SHANK2: variants seen among roughly 807,000 people sequenced by gnomAD.
SHANK2 encodes the protein SH3 and multiple ankyrin repeat domains protein 2.
A neutral mutation model predicts 133.7 loss-of-function variants in SHANK2; 43 were observed. That is an observed-to-expected ratio of 0.32 (90% CI 0.25 to 0.41). SHANK2 has a LOEUF of 0.41. SHANK2 is among the 10% of genes least tolerant of loss of function. The pLI is 1.00. For synonymous variants in SHANK2, 1,017 were observed against 952.8 expected, an observed-to-expected ratio of 1.07 and a Z score of -1.24; for missense variants, 1,994 against 2,235.8, an observed-to-expected ratio of 0.89 and a Z score of 2.18.
intron 17 of SHANK2, among the ~76,000 whole-genome samples, chr11:70,627,197 C>T (rs2060916832): frequency 6.6e-6 from 1 of 152,242 alleles, no homozygotes. Flanking sequence ...TGGGCACACA[C>T]AGGGCTGCAG....
intron 14 of SHANK2, among the ~76,000 whole-genome samples, chr11:70,754,758 G>A (rs1946829727): frequency 6.6e-6 from 1 of 152,164 alleles, no homozygotes; most frequent in African/African-American, 2.4e-5. Flanking sequence ...TCAGTGGCAG[G>A]AGAGGGAGGA....
chr11:70,723,176 T>C (rs1282525097), intron 14 of SHANK2, among the ~76,000 whole-genome samples: 1 of 152,144 alleles, frequency 6.6e-6, no homozygotes, highest in Non-Finnish European at 1.5e-5. Context: ...ATGGGTTGGG[T>C]CTCAGACTTG....
intron 17 of SHANK2, among the ~76,000 whole-genome samples, chr11:70,612,597 C>G (rs782547650): frequency 7.9e-5 from 12 of 152,172 alleles, no homozygotes; most frequent in Non-Finnish European, 1.6e-4. Flanking sequence ...CGAAACTCCA[C>G]GAAGAAAAAT....
intron 21 of SHANK2, chr11:70,496,841 C>T (rs2058978011): frequency 2.5e-6 from 1 of 398,112 alleles, no homozygotes; most frequent in South Asian, 1.9e-5. Context: ...TGGTTTGCCT[C>T]GTCCAGGAGA....
chr11:71,223,308 G>C (rs1315701774), intron 2 of SHANK2, among the ~76,000 whole-genome samples: 1 of 152,216 alleles, frequency 6.6e-6, no homozygotes, highest in Non-Finnish European at 1.5e-5. Flanking sequence ...TGGGGTGGTG[G>C]AAGGTGAAGC....
chr11:71,213,229 C>G (rs1326786473), intron 2 of SHANK2, among the ~76,000 whole-genome samples: 13 of 152,118 alleles, frequency 8.5e-5, no homozygotes, highest in African/African-American at 2.9e-4. Context: ...CACAGGGAGG[C>G]TCTCACAACA....
intron 14 of SHANK2, among the ~76,000 whole-genome samples, chr11:70,763,816 A>G (rs368979396): frequency 6.6e-6 from 1 of 152,126 alleles, no homozygotes; most frequent in Non-Finnish European, 1.5e-5. Flanking sequence ...GCACAGCCCC[A>G]TTGCAGGCTT....
intron 9 of SHANK2, among the ~76,000 whole-genome samples, chr11:71,067,989 CCAT>C (rs1329880737): frequency 6.6e-6 from 1 of 151,522 alleles, no homozygotes; most frequent in Non-Finnish European, 1.5e-5. Flanking sequence ...ATCACCACCA[CCAT>C]CACCATCATC....
chr11:71,088,578 C>A (rs951960095), intron 8 of SHANK2, among the ~76,000 whole-genome samples: 32,837 of 152,076 alleles, frequency 0.22, 3,644 homozygotes, highest in African/African-American at 0.26. Context: ...GGCAGCTGTT[C>A]GGTGGAGACC....
chr11:71,117,134 C>T (rs1398707654), intron 4 of SHANK2, among the ~76,000 whole-genome samples: 63 of 152,194 alleles, frequency 4.1e-4, no homozygotes, highest in African/African-American at 1.4e-3. Flanking sequence ...ATTCTCCTGC[C>T]TCAGCCCCCC....
intron 17 of SHANK2, among the ~76,000 whole-genome samples, chr11:70,532,265 A>T (rs954885732): frequency 2.6e-5 from 4 of 152,188 alleles, no homozygotes; most frequent in Admixed American, 6.5e-5. Context: ...GGGTGTCAGC[A>T]GGCAGGACTG....
intron 2 of SHANK2, among the ~76,000 whole-genome samples, chr11:71,165,590 G>C (rs1431080665): frequency 6.6e-6 from 1 of 152,112 alleles, no homozygotes; most frequent in African/African-American, 2.4e-5. Context: ...GCGAAGCCTG[G>C]TCAAACCCTA....
At chr11:70,863,854 C>T (rs1161708520) in intron 11 of SHANK2, 3 of 457,576 alleles carry the variant, frequency 6.6e-6, no homozygotes, top group Non-Finnish European at 1.3e-5. Context: ...ATGACGACAG[C>T]CACCTGCAAG....
chr11:70,879,599 C>T (rs1408812212), intron 11 of SHANK2, among the ~76,000 whole-genome samples: 1 of 152,206 alleles, frequency 6.6e-6, no homozygotes, highest in Non-Finnish European at 1.5e-5. Context: ...GCTCCAATAC[C>T]CAGGTGCTTT....
At chr11:70,954,848 G>A (rs888080964) in intron 10 of SHANK2, among the ~76,000 whole-genome samples, 1 of 152,226 alleles carries the variant, frequency 6.6e-6, no homozygotes, top group African/African-American at 2.4e-5. Context: ...GAAGAACACG[G>A]GGTCTGGCAT....
chr11:70,858,764 A>G (rs556515630), intron 11 of SHANK2, among the ~76,000 whole-genome samples: 18 of 152,094 alleles, frequency 1.2e-4, no homozygotes, highest in Non-Finnish European at 2.1e-4. Flanking sequence ...TAACTTTACT[A>G]CCTCTTCTCC....
intron 15 of SHANK2, among the ~76,000 whole-genome samples, chr11:70,663,366 A>G (rs1475436686): frequency 6.6e-6 from 1 of 152,108 alleles, no homozygotes; most frequent in Non-Finnish European, 1.5e-5. Flanking sequence ...AACGTGGATG[A>G]CAGGGCTCAG....
intron 25 of SHANK2, among the ~76,000 whole-genome samples, chr11:70,482,522 G>A (rs989743088): frequency 1.1e-4 from 16 of 152,200 alleles, no homozygotes; most frequent in Admixed American, 2.6e-4. Flanking sequence ...GTCTAGTTCC[G>A]CGTCTTCCTG....
chr11:70,569,312 G>C lies in SHANK2; in HGVS notation c.2062-66381C>G, dbSNP rs149802833. Among the ~76,000 whole-genome samples the C allele has an allele frequency of 3.0e-3, 460 of 152,334 alleles. 4 individuals carry two copies. Among genetic ancestry groups the C allele is most frequent in the African/African-American group, 0.011 (437 of 41,572 alleles). ...GTCCTGGGGGGTCAGGCTCGGGAGC[G>C]TCTGGGGTGATCCTGCTCATGCGCC... On this transcript the variant is annotated intron_variant, in intron 17 of 25. Transcript: ENST00000601538. This position sits in a 1 kb window ranked among gnomAD's most constrained non-coding sequence, Gnocchi z 5.1.
Sources: gnomAD v4.1 joint callset for allele counts (sites outside exome capture counted in the v4.1 genomes callset) on GRCh38, gnomAD v4.1.1 for gene constraint, Gnocchi (gnomAD v3.1) non-coding constraint, MANE v1.5 for transcripts, NCBI Gene and HGNC (gene_info 2026-07-23, HGNC 2026-07-21) for gene names.